SLC4A7: variants seen among roughly 807,000 people sequenced by gnomAD.
SLC4A7 encodes solute carrier family 4 member 7.
SLC4A7 carries 51 observed loss-of-function variants against 137.6 expected under a neutral mutation model. That is an observed-to-expected ratio of 0.37 (90% CI 0.30 to 0.47). SLC4A7 has a LOEUF of 0.47. Ranked by LOEUF, SLC4A7 falls within the 20% of genes least tolerant of loss-of-function variation. The probability of loss-of-function intolerance (pLI) is 1.00; values close to 1 mark genes in which losing one functional copy is unlikely to be tolerated. For synonymous variants in SLC4A7, 542 were observed against 518.6 expected, an observed-to-expected ratio of 1.05 and a Z score of -0.61; for missense variants, 1,247 against 1,525.4, an observed-to-expected ratio of 0.82 and a Z score of 3.04.
At chr3:27,408,364 T>G in intron 13 of SLC4A7, among the ~76,000 whole-genome samples, 1 of 152,230 alleles carries the variant, frequency 6.6e-6, no homozygotes, top group Non-Finnish European at 1.5e-5. Flanking sequence ...CATGCACAAT[T>G]TGTGACAGCA....
chr3:27,448,149 T>C (rs2057802111), intron 3 of SLC4A7, among the ~76,000 whole-genome samples: 1 of 149,530 alleles, frequency 6.7e-6, no homozygotes, highest in African/African-American at 2.5e-5. Flanking sequence ...GAGGCAGACG[T>C]TGCAGTGAGC....
chr3:27,428,622 T>G (rs193052672), intron 7 of SLC4A7, among the ~76,000 whole-genome samples: 1 of 152,300 alleles, frequency 6.6e-6, no homozygotes, highest in East Asian at 1.9e-4. Flanking sequence ...TCAGAGGATT[T>G]AGGCCATCAG....
At chr3:27,409,555 C>T in intron 12 of SLC4A7, 25 bp from the exon 13 acceptor site, 1 of 1,589,908 alleles carries the variant, frequency 6.3e-7, no homozygotes, top group Non-Finnish European at 8.6e-7. Flanking sequence ...TGAAACTCGT[C>T]AAACTGTACA....
intron 24 of SLC4A7, among the ~76,000 whole-genome samples, chr3:27,379,657 C>T (rs1174653374): frequency 6.6e-6 from 1 of 152,000 alleles, no homozygotes; most frequent in Non-Finnish European, 1.5e-5. Flanking sequence ...ATCACCTTGG[C>T]TGAAAATATG....
At chr3:27,388,743 C>T (rs2051229907) in intron 22 of SLC4A7, among the ~76,000 whole-genome samples, 1 of 151,850 alleles carries the variant, frequency 6.6e-6, no homozygotes, top group Non-Finnish European at 1.5e-5. Context: ...ACCATGAATC[C>T]CAATTAAGTA....
chr3:27,477,716 C>T (rs892468431), intron 1 of SLC4A7, among the ~76,000 whole-genome samples: 9 of 152,000 alleles, frequency 5.9e-5, no homozygotes, highest in Non-Finnish European at 1.2e-4. Context: ...GCGATTCTCC[C>T]GCCTCATCCT....
chr3:27,377,375 G>C (rs1252700207), intron 25 of SLC4A7, among the ~76,000 whole-genome samples: 1 of 151,818 alleles, frequency 6.6e-6, no homozygotes, highest in Admixed American at 6.6e-5. Context: ...CATATATATA[G>C]AACAAATATT....
intron 1 of SLC4A7, among the ~76,000 whole-genome samples, chr3:27,482,545 T>C (rs369436270): frequency 7.9e-5 from 12 of 151,922 alleles, no homozygotes; most frequent in African/African-American, 2.9e-4. Flanking sequence ...CCGAGGCGGG[T>C]GGATTGCCTG....
At chr3:27,466,638 G>A (rs2059015006) in intron 1 of SLC4A7, among the ~76,000 whole-genome samples, 1 of 152,098 alleles carries the variant, frequency 6.6e-6, no homozygotes. Flanking sequence ...GACCAGCCTA[G>A]CCAATATGAC....
At chr3:27,379,468 T>A (rs558298230) in intron 24 of SLC4A7, 112 bp from the exon 25 acceptor site, 1 of 584,846 alleles carries the variant, frequency 1.7e-6, no homozygotes, top group South Asian at 2.5e-5. Context: ...TTGCCAGATA[T>A]CAGAATTTGA....
chr3:27,443,380 A>G (rs908922966), intron 3 of SLC4A7, among the ~76,000 whole-genome samples: 2 of 151,960 alleles, frequency 1.3e-5, no homozygotes, highest in African/African-American at 4.8e-5. Flanking sequence ...ATTTTCTAAT[A>G]CTGGTGATTT....
chr3:27,377,187 G>A (rs988723130), intron 25 of SLC4A7, among the ~76,000 whole-genome samples: 4 of 151,882 alleles, frequency 2.6e-5, no homozygotes, highest in Admixed American at 6.6e-5. Context: ...GACTTTTACT[G>A]AAAAATCTAT....
At chr3:27,429,341 T>G (rs1179442205) in intron 7 of SLC4A7, among the ~76,000 whole-genome samples, 4 of 109,396 alleles carry the variant, frequency 3.7e-5, no homozygotes, top group African/African-American at 1.6e-4. Flanking sequence ...CACATACAAT[T>G]TTTTTTTCCC....
At chr3:27,381,300 G>A (rs148358422) in intron 24 of SLC4A7, among the ~76,000 whole-genome samples, 1 of 152,108 alleles carries the variant, frequency 6.6e-6, no homozygotes, top group East Asian at 1.9e-4. Flanking sequence ...GATAAAGCAG[G>A]ATATAAAAAT....
intron 1 of SLC4A7, among the ~76,000 whole-genome samples, chr3:27,470,349 G>A (rs560603052): frequency 6.6e-6 from 1 of 151,580 alleles, no homozygotes; most frequent in Non-Finnish European, 1.5e-5. Flanking sequence ...AATATACATG[G>A]AACAAGTAAG....
chr3:27,430,467 G>T (rs66743193), intron 7 of SLC4A7, among the ~76,000 whole-genome samples: 1 of 149,994 alleles, frequency 6.7e-6, no homozygotes, highest in Admixed American at 6.6e-5. Context: ...TACAAAACAC[G>T]AAAATTAACC....
intron 1 of SLC4A7, among the ~76,000 whole-genome samples, chr3:27,460,704 T>A (rs536426963): frequency 6.6e-6 from 1 of 152,318 alleles, no homozygotes; most frequent in African/African-American, 2.4e-5. Context: ...ACGATGAATA[T>A]ATGGGTGATA....
Position 27,376,501 on chromosome 3 carries a change from A to G in SLC4A7, c.*263T>C, listed in dbSNP as rs867119606. The G allele has an allele frequency of 6.2e-5, 15 of 243,582 alleles. No individual in the cohort carries two copies. Among genetic ancestry groups the G allele is most frequent in the African/African-American group, 3.1e-4 (14 of 44,690 alleles). The allele number at this position is 243,582 out of a possible 1,614,324, so 15.1% of individuals were successfully genotyped here. A position where few individuals can be genotyped will look rare whatever the true frequency, so the allele number is the denominator to read the frequency against. ...AAGTAGACTGAAAGCATTTCTCCAC[A>G]TCCTTCTATTGCAAAACAGAAAATT... is the stretch of plus-strand genomic sequence containing the variant. On this transcript the variant is annotated 3_prime_UTR_variant, in exon 26 of 26. Coordinates refer to ENST00000454389, the MANE Select transcript of SLC4A7 (RefSeq NM_001321103.2).
chr3:27,380,711 C>T (rs2050340768), intron 24 of SLC4A7, among the ~76,000 whole-genome samples: 3 of 152,186 alleles, frequency 2.0e-5, no homozygotes, highest in Admixed American at 2.0e-4. Context: ...GAGGAGGTCA[C>T]TGAAAAGTCT....
Sources: allele counts gnomAD v4.1 joint callset (sites outside exome capture counted in the v4.1 genomes callset), GRCh38; gene constraint gnomAD v4.1.1; transcripts MANE v1.5; gene names NCBI Gene and HGNC (gene_info 2026-07-23, HGNC 2026-07-21).